Variants in ANK1 observed in about 807,000 individuals in gnomAD.
ANK1 encodes the protein ankyrin-1.
ANK1 carries 51 observed loss-of-function variants against 210.4 expected under a neutral mutation model. That is an observed-to-expected ratio of 0.24 (90% CI 0.19 to 0.31). ANK1 has a LOEUF of 0.31. Among genes scored for constraint, ANK1 ranks in the 10% least tolerant of loss-of-function variants. The pLI is 1.00. For synonymous variants in ANK1, 967 were observed against 1,025.9 expected, an observed-to-expected ratio of 0.94 and a Z score of 1.10; for missense variants, 2,051 against 2,504.4, an observed-to-expected ratio of 0.82 and a Z score of 3.86.
rs539159698 is a variant in ANK1, at chr8:41,693,899, A to G, written c.3531T>C (p.Ile1177=). 1.5e-5 allele frequency: 24 copies of G among 1,605,476 alleles called. No individual in the cohort carries two copies. The highest frequency in any genetic ancestry group is 1.2e-4 in the Admixed American group (7 of 58,782). Residue 1177 remains isoleucine, a splice_region_variant and synonymous_variant, in exon 29 of 43, where the codon ATT becomes ATC. Transcript: ENST00000289734. ...AAGCGAGGCAGGGGCCCCTCTCACC[A>G]ATGACGCTGCAAAGCAGGCGCAGGC... is the stretch of plus-strand genomic sequence containing the variant. ...TTSLRLLCSV[I]GGTDQAQWED... is the part of the protein sequence containing the mutation.
chr8:41,688,320 G>T (rs565582293), intron 34 of ANK1, 90 bp from the exon 35 acceptor site: 2 of 1,473,656 alleles, frequency 1.4e-6, no homozygotes, highest in Admixed American at 3.3e-5. Context: ...TGTGGCTTCC[G>T]TGTGCACTGG....
upstream of ANK1, chr8:41,797,654 G>A: frequency 1.3e-6 from 2 of 1,498,742 alleles, no homozygotes; most frequent in Non-Finnish European, 1.8e-6. The surrounding 1 kb of genome is among the most constrained non-coding windows in gnomAD (Gnocchi z 4.0). Flanking sequence ...CCAGGCCCCC[G>A]AGGGCCTTAT....
chr8:41,873,798 C>T (rs976520637), intron 1 of ANK1, among the ~76,000 whole-genome samples: 5 of 152,212 alleles, frequency 3.3e-5, no homozygotes, highest in African/African-American at 4.8e-5. Context: ...GCCCCAGCTT[C>T]GCTACCCTGA....
chr8:41,868,000 C>CT (rs985075505), intron 1 of ANK1, among the ~76,000 whole-genome samples: 65 of 152,204 alleles, frequency 4.3e-4, no homozygotes, highest in Non-Finnish European at 7.8e-4. Flanking sequence ...GCTGGGATTA[C>CT]AGGCGCCTGC....
At chr8:41,721,083 G>A (rs1179321040) in intron 9 of ANK1, among the ~76,000 whole-genome samples, 1 of 152,180 alleles carries the variant, frequency 6.6e-6, no homozygotes. Flanking sequence ...TTCACATGCT[G>A]CAGTCTTAAC....
At chr8:41,698,449 A>G (rs763375286) in intron 23 of ANK1, among the ~76,000 whole-genome samples, 5 of 152,218 alleles carry the variant, frequency 3.3e-5, no homozygotes, top group Non-Finnish European at 7.3e-5. Context: ...TCAGGGTTAC[A>G]GCTCTGTATT....
chr8:41,805,549 A>G (rs1276357397), intron 1 of ANK1, among the ~76,000 whole-genome samples: 1 of 152,080 alleles, frequency 6.6e-6, no homozygotes, highest in African/African-American at 2.4e-5. Flanking sequence ...ACTCAGTCCC[A>G]TAGAGCTTTT....
intron 20 of ANK1, 22 bp from the exon 21 acceptor site, chr8:41,702,166 T>C: frequency 6.2e-7 from 1 of 1,602,752 alleles, no homozygotes; most frequent in Non-Finnish European, 8.5e-7. Context: ...GCAGCCCGGG[T>C]GCAGTCAGAC....
chr8:41,744,310 G>A (rs1835519704), intron 2 of ANK1, among the ~76,000 whole-genome samples: 1 of 152,040 alleles, frequency 6.6e-6, no homozygotes, highest in Non-Finnish European at 1.5e-5. Context: ...TGGAAATGAG[G>A]AATCACTGTC....
At chr8:41,855,534 C>G (rs1812036938) in intron 1 of ANK1, among the ~76,000 whole-genome samples, 1 of 152,174 alleles carries the variant, frequency 6.6e-6, no homozygotes, top group Non-Finnish European at 1.5e-5. Flanking sequence ...ATAGAGGAAC[C>G]CACAGAGCCA....
At chr8:41,793,188 G>A (rs1848094714) in intron 1 of ANK1, among the ~76,000 whole-genome samples, 1 of 152,158 alleles carries the variant, frequency 6.6e-6, no homozygotes, top group Non-Finnish European at 1.5e-5. Flanking sequence ...ACTAGCCTGG[G>A]CAACATAGTG....
At chr8:41,786,760 G>A (rs556844627) in intron 1 of ANK1, among the ~76,000 whole-genome samples, 88 of 152,116 alleles carry the variant, frequency 5.8e-4, no homozygotes, top group Non-Finnish European at 6.2e-4. Flanking sequence ...TCAAAACTCC[G>A]CAGGAAAACT....
At position 41,714,230 on chromosome 8, in the gene ANK1, C is replaced by T; in HGVS notation, c.1726G>A (p.Ala576Thr). The T allele has an allele frequency of 6.5e-7, 1 of 1,543,300 alleles. No homozygotes were observed. The highest frequency in any genetic ancestry group is 8.8e-7 in the Non-Finnish European group (1 of 1,136,324). ...ATGTCCAGGTTGTTGTGATGGACGG[C>T]CACGTGCAGGGGGGTCAGGCCATTC... Reference protein sequence around the residue: ...GKNGLTPLHVAVHHNNLDIVK... With the variant: ...GKNGLTPLHVTVHHNNLDIVK... The change falls in exon 16 of 43, where the codon GCC becomes ACC. Residue 576 changes from alanine (A) to threonine (T), a missense_variant. Ala to Thr is a moderately conservative substitution (Grantham distance 58). Around this residue, in one of 6 missense-constraint regions of ANK1, gnomAD observed 1,413 missense variants for 1,707.4 expected, o/e 0.83. Coordinates refer to ENST00000289734, the MANE Select transcript of ANK1 (RefSeq NM_000037.4).
intron 37 of ANK1, 62 bp downstream of exon 37, chr8:41,684,482 G>A: frequency 6.2e-7 from 1 of 1,602,558 alleles, no homozygotes; most frequent in Non-Finnish European, 8.5e-7. Context: ...AGGGGTTATT[G>A]GTGCTGATGC....
chr8:41,725,753 G>A lies in ANK1; in HGVS notation c.612+8C>T, dbSNP rs1201913838. 1 of 1,608,114 alleles carries A rather than the reference G, an allele frequency of 6.2e-7. No homozygotes were observed. Among genetic ancestry groups the A allele is most frequent in the Admixed American group, 1.7e-5 (1 of 59,840 alleles). On this transcript the variant is annotated splice_region_variant and intron_variant, in intron 6 of 42. Coordinates refer to ENST00000289734, the MANE Select transcript of ANK1 (RefSeq NM_000037.4). ...GGCCCAAGGCTCCTCCCTCCTCCTC[G>A]CCCTCACCTTGGAAAGCACGTCCGG...
intron 13 of ANK1, among the ~76,000 whole-genome samples, chr8:41,716,339 A>T (rs1309534541): frequency 1.3e-5 from 2 of 151,590 alleles, no homozygotes; most frequent in Non-Finnish European, 2.9e-5. Context: ...GAGAATGAGG[A>T]CTTTTCCACC....
At chr8:41,776,692 C>T (rs1239646276) in intron 1 of ANK1, among the ~76,000 whole-genome samples, 1 of 152,226 alleles carries the variant, frequency 6.6e-6, no homozygotes, top group Non-Finnish European at 1.5e-5. Context: ...GGTTTCCTCT[C>T]TCTTCCCAGA....
Position 41,807,301 on chromosome 8 carries a change from G to C in ANK1, c.127-49164C>G, listed in dbSNP as rs533728437. ...GGTGCTTACCAAGGTCACAGAACCA[G>C]TGAGAAATGGAGACTTCAATCCAAG... On this transcript the variant is annotated intron_variant, in intron 1 of 42. Transcript: ENST00000265709. Among the ~76,000 whole-genome samples the C allele has an allele frequency of 3.3e-5, 5 of 152,322 alleles. No individual in the cohort carries two copies. The South Asian group carries it at 8.3e-4, about 25-fold the overall frequency.
intron 1 of ANK1, among the ~76,000 whole-genome samples, chr8:41,856,326 C>T (rs1812167966): frequency 6.6e-6 from 1 of 152,156 alleles, no homozygotes; most frequent in Non-Finnish European, 1.5e-5. Context: ...GAGGACTGCA[C>T]CTCAACTAAT....
Sources: gnomAD v4.1 joint callset for allele counts (sites outside exome capture counted in the v4.1 genomes callset) on GRCh38, gnomAD v4.1.1 for gene constraint, gnomAD v4.1.1 regional missense constraint, Gnocchi (gnomAD v3.1) non-coding constraint, MANE v1.5 for transcripts, NCBI Gene and HGNC (gene_info 2026-07-23, HGNC 2026-07-21) for gene names.